The following HOMER1 variants were observed in gnomAD, a reference collection of about 807,000 sequenced individuals.
HOMER1 encodes homer scaffold protein 1, also known as homer protein homolog 1.
Under a neutral mutation model 48.9 loss-of-function variants are expected in HOMER1, and 3 were observed. That is an observed-to-expected ratio of 0.06 (90% confidence interval 0.03 to 0.16). The LOEUF (loss-of-function observed/expected upper bound fraction) is 0.16. HOMER1 is among the 10% of genes least tolerant of loss of function. The pLI, the probability that HOMER1 is intolerant of heterozygous loss-of-function variation, is 1.00. For missense variants in HOMER1, 247 were observed against 411.4 expected, an observed-to-expected ratio of 0.60 and a Z score of 3.46; for synonymous variants, 134 against 146.4, an observed-to-expected ratio of 0.92 and a Z score of 0.61.
intron 1 of HOMER1, among the ~76,000 whole-genome samples, chr5:79,478,533 C>CA (rs1751852270): frequency 2.0e-5 from 3 of 146,950 alleles, no homozygotes; most frequent in South Asian, 2.2e-4. Context: ...TACTAAAATA[C>CA]AAAAAAATAA....
chr5:79,383,812 C>T (rs1163519466), intron 8 of HOMER1, among the ~76,000 whole-genome samples: 1 of 152,106 alleles, frequency 6.6e-6, no homozygotes, highest in Admixed American at 6.6e-5. Context: ...ATTATCTTCT[C>T]AGACCACAAT....
chr5:79,433,789 T>C (rs1377526415), intron 5 of HOMER1, among the ~76,000 whole-genome samples: 1 of 152,184 alleles, frequency 6.6e-6, no homozygotes, highest in African/African-American at 2.4e-5. Context: ...TGATGATAAA[T>C]ACAGATGGAG....
At chr5:79,415,805 TG>T (rs1749928601) in intron 5 of HOMER1, among the ~76,000 whole-genome samples, 1 of 152,230 alleles carries the variant, frequency 6.6e-6, no homozygotes, top group Non-Finnish European at 1.5e-5. Flanking sequence ...AAGAATCAAT[TG>T]CTGTAACAGC....
chr5:79,491,803 TAACAAACTTGTTTATTA>T (rs1404260527), intron 1 of HOMER1, among the ~76,000 whole-genome samples: 5 of 152,354 alleles, frequency 3.3e-5, no homozygotes, highest in African/African-American at 7.2e-5. Flanking sequence ...TAAACACTTT[TAACAAACTTGTTTATTA>T]AGCAAACTTG....
In HOMER1 at chr5:79,456,506, A is replaced by G. The variant is rs544831241; in HGVS notation, c.162+356T>C. ...TAAACTGCTACTAGTCTGTAGCAGT[A>G]TATTTGAAAAGAATTAGAGCTCCTA... is the stretch of plus-strand genomic sequence containing the variant. On this transcript the variant is annotated intron_variant, in intron 2 of 8. Transcript: ENST00000334082. Among the ~76,000 whole-genome samples the G allele has an allele frequency of 1.0e-4, 16 of 152,398 alleles. No homozygotes were observed. In the South Asian group the frequency reaches 2.5e-3, roughly 24 times the overall value.
Position 79,401,764 on chromosome 5 carries a change from T to C in HOMER1, c.684+135A>G, listed in dbSNP as rs150212634. 76 of 797,728 alleles carry C rather than the reference T, an allele frequency of 9.5e-5. 1 individual carries two copies. The African/African-American group carries it at 1.1e-3, about 12-fold the overall frequency. The allele number at this position is 797,728 out of a possible 1,614,324, so 49.4% of individuals were successfully genotyped here. A position where few individuals can be genotyped will look rare whatever the true frequency, so the allele number is the denominator to read the frequency against. On this transcript the variant is annotated intron_variant, in intron 6 of 8. Transcript: ENST00000334082. ...TATTTTTCTTAATCAAACAAATGCA[T>C]ATCATACAACCCATATCTATGTTCT... is the stretch of plus-strand genomic sequence containing the variant.
intron 1 of HOMER1, among the ~76,000 whole-genome samples, chr5:79,502,561 A>G (rs1752625729): frequency 6.6e-6 from 1 of 152,204 alleles, no homozygotes; most frequent in Admixed American, 6.5e-5. Context: ...TTTTATGCAT[A>G]TACAGAATTT....
At chr5:79,464,260 C>T (rs1411798155) in intron 1 of HOMER1, among the ~76,000 whole-genome samples, 1 of 152,096 alleles carries the variant, frequency 6.6e-6, no homozygotes, top group East Asian at 1.9e-4. Flanking sequence ...TCCAAACATG[C>T]CTAACTGTAG....
chr5:79,415,050 G>A (rs1749907760), intron 5 of HOMER1, among the ~76,000 whole-genome samples: 1 of 151,938 alleles, frequency 6.6e-6, no homozygotes, highest in African/African-American at 2.4e-5. Flanking sequence ...AAGTAGAATA[G>A]TTTCTTGGTT....
At chr5:79,439,999 T>A (rs1314425838) in intron 4 of HOMER1, among the ~76,000 whole-genome samples, 1 of 152,112 alleles carries the variant, frequency 6.6e-6, no homozygotes, top group Non-Finnish European at 1.5e-5. Flanking sequence ...AAAACCAGAC[T>A]GTTAAAGAGC....
At chr5:79,458,554 G>C (rs940727506) in intron 1 of HOMER1, among the ~76,000 whole-genome samples, 6 of 152,058 alleles carry the variant, frequency 3.9e-5, no homozygotes, top group African/African-American at 1.4e-4. Flanking sequence ...AAAAGGTTGG[G>C]TGACTCCTAT....
chr5:79,389,263 T>C (rs1420107968), intron 8 of HOMER1, among the ~76,000 whole-genome samples: 1 of 151,606 alleles, frequency 6.6e-6, no homozygotes, highest in African/African-American at 2.4e-5. Flanking sequence ...CAATACTGAA[T>C]ACATGAGAAA....
In HOMER1 at chr5:79,381,539, T is replaced by C. The variant is rs544272242; in HGVS notation, c.877-5342A>G. ...AATTCATAAAGTCCCCCCAAAAGAA[T>C]TCAAATTATTGATTCTAAAGAAGCT... On this transcript the variant is annotated intron_variant, in intron 8 of 8. Coordinates refer to ENST00000334082, the MANE Select transcript of HOMER1 (RefSeq NM_004272.5). Among the ~76,000 whole-genome samples, 158 of 152,306 alleles carry C rather than the reference T, an allele frequency of 1.0e-3. 1 individual carries two copies. The highest frequency in any genetic ancestry group is 3.6e-3 in the African/African-American group (150 of 41,560).
At chr5:79,456,024 G>A (rs374937065) in intron 2 of HOMER1, among the ~76,000 whole-genome samples, 10 of 151,782 alleles carry the variant, frequency 6.6e-5, no homozygotes, top group South Asian at 2.1e-4. Flanking sequence ...GCATGGAGGC[G>A]CACGCCTGTA....
At chr5:79,500,995 A>ACACACACACACACACACACACACACAC (rs1460147206) in intron 1 of HOMER1, among the ~76,000 whole-genome samples, 1 of 124,130 alleles carries the variant, frequency 8.1e-6, no homozygotes, top group African/African-American at 3.7e-5. Context: ...CACACACACA[A>ACACACACACACACACACACACACACAC]GGTCTGGCTC....
At chr5:79,462,917 CTAGCT>C (rs1482999587) in intron 1 of HOMER1, among the ~76,000 whole-genome samples, 2 of 152,168 alleles carry the variant, frequency 1.3e-5, no homozygotes, top group Non-Finnish European at 2.9e-5. Context: ...CCTTTAATGC[CTAGCT>C]TAGAAGTATC....
At chr5:79,436,997 T>C (rs1051844107) in intron 5 of HOMER1, among the ~76,000 whole-genome samples, 1 of 152,202 alleles carries the variant, frequency 6.6e-6, no homozygotes, top group Non-Finnish European at 1.5e-5. Flanking sequence ...CTGTCAAGTA[T>C]CTCCATGACT....
At chr5:79,503,609 G>A (rs1280280110) in intron 1 of HOMER1, among the ~76,000 whole-genome samples, 2 of 151,594 alleles carry the variant, frequency 1.3e-5, no homozygotes, top group African/African-American at 4.8e-5. Flanking sequence ...GGGAGGCTGA[G>A]GCAGGTGGTT....
chr5:79,405,511 CTCT>C (rs1185046973), intron 5 of HOMER1, among the ~76,000 whole-genome samples: 2 of 152,162 alleles, frequency 1.3e-5, no homozygotes. Context: ...CTGTGATGAG[CTCT>C]TCTTCTCAAT....
Sources: allele counts gnomAD v4.1 joint callset (sites outside exome capture counted in the v4.1 genomes callset), GRCh38; gene constraint gnomAD v4.1.1; transcripts MANE v1.5; gene names NCBI Gene and HGNC (gene_info 2026-07-23, HGNC 2026-07-21).